CTRC: variants seen among roughly 807,000 people sequenced by gnomAD.
The protein encoded by CTRC is chymotrypsin-C.
Under a neutral mutation model 35.7 loss-of-function variants are expected in CTRC, and 32 were observed. The observed-to-expected ratio is 0.90, with a 90% CI of 0.68 to 1.20. The LOEUF (loss-of-function observed/expected upper bound fraction) is 1.20, where lower values mean the gene tolerates loss of function less well. CTRC is among the 50% of genes most tolerant of loss of function. CTRC has a pLI of 0.00. For synonymous variants in CTRC, 119 were observed against 149.5 expected (o/e 0.80, Z 1.49); for missense variants, 324 against 361.5 (o/e 0.90, Z 0.84).
At chr1:15,445,841 TTCATTCATTCATTTATTCAC>T in intron 7 of CTRC, 92 bp downstream of exon 7, 3 of 1,424,514 alleles carry the variant, frequency 2.1e-6, no homozygotes, top group Non-Finnish European at 3.0e-6. Flanking sequence ...CATGCGTTTA[TTCATTCATTCATTTATTCAC>T]TCATTCATGC....
intron 1 of CTRC, among the ~76,000 whole-genome samples, chr1:15,439,786 G>T (rs1442488827): frequency 6.6e-6 from 1 of 152,196 alleles, no homozygotes; most frequent in Admixed American, 6.5e-5. Context: ...TTATCACCCA[G>T]GATGGAGTGC....
rs1442996497 is a variant in CTRC at position 15,448,101 on chromosome 1, G to T, written c.*1512G>T. ...CTTGGTCTTAAAATTTGACTAGAAGGTACCCAAGTACAGAACGTAGTCCTT... is the reference window on the plus strand; with the variant it reads ...CTTGGTCTTAAAATTTGACTAGAAGTTACCCAAGTACAGAACGTAGTCCTT... On this transcript the variant is annotated 3_prime_UTR_variant, in exon 8 of 8. Coordinates refer to ENST00000375949, the MANE Select transcript of CTRC (RefSeq NM_007272.3). The T allele has an allele frequency of 1.3e-5, 2 of 151,714 alleles. No homozygotes were observed. Among genetic ancestry groups the T allele is most frequent in the African/African-American group, 2.4e-5 (1 of 41,192 alleles). The allele number at this position is 151,714 out of a possible 1,614,324, so 9.4% of individuals were successfully genotyped here.
chr1:15,442,335 G>GAACAC (rs980953257), intron 3 of CTRC, 112 bp from the exon 4 acceptor site: 226 of 1,379,858 alleles, frequency 1.6e-4, no homozygotes, highest in Non-Finnish European at 3.1e-5. Flanking sequence ...AGGACAATGG[G>GAACAC]AACACTCTCT....
intron 7 of CTRC, 49 bp downstream of exon 7, chr1:15,445,798 T>C (rs1272882156): frequency 6.2e-7 from 1 of 1,606,778 alleles, no homozygotes; most frequent in South Asian, 1.1e-5. Flanking sequence ...CCCCTCCCCC[T>C]CACTCACCCA....
chr1:15,445,820 A>C, intron 7 of CTRC, 71 bp downstream of exon 7: 1 of 1,543,792 alleles, frequency 6.5e-7, no homozygotes, highest in Non-Finnish European at 8.9e-7. Context: ...CCCCTCACTC[A>C]TTCACTCATT....
At chr1:15,442,838 A>G (rs1708156797) in intron 4 of CTRC, among the ~76,000 whole-genome samples, 1 of 151,926 alleles carries the variant, frequency 6.6e-6, no homozygotes, top group African/African-American at 2.4e-5. Context: ...GCCAGCGCTC[A>G]CCTTTATTGA....
chr1:15,445,963 C>T (rs9429242), intron 7 of CTRC, among the ~76,000 whole-genome samples: 139 of 95,742 alleles, frequency 1.5e-3, no homozygotes, highest in African/African-American at 5.5e-3. Context: ...CTCATGCATT[C>T]ATTCATTCAT....
At chr1:15,440,929 T>C (rs1009987493) in intron 3 of CTRC, among the ~76,000 whole-genome samples, 2 of 152,162 alleles carry the variant, frequency 1.3e-5, no homozygotes, top group Non-Finnish European at 2.9e-5. Context: ...CCTGTAATCA[T>C]AGCACTCTGG....
Position 15,447,728 on chromosome 1 carries a change from A to G in CTRC, c.*1139A>G, listed in dbSNP as rs1708242360. On this transcript the variant is annotated 3_prime_UTR_variant, in exon 8 of 8. Coordinates refer to ENST00000375949, the MANE Select transcript of CTRC (RefSeq NM_007272.3). ...GAGAGCCCTCGGCTGCAGCTACCTC[A>G]GACTGGCCCAAGAGTTGTCCCTTTT... 6.6e-6 allele frequency: 1 copy of G among 152,508 alleles called. No homozygotes were observed. Among genetic ancestry groups the G allele is most frequent in the African/African-American group, 2.4e-5 (1 of 41,454 alleles). 9.4% of individuals were successfully genotyped at this position (152,508 alleles called of 1,614,324 possible).
In CTRC at chr1:15,444,653, G is replaced by A. The variant is rs2103292309; in HGVS notation, c.541G>A (p.Val181Met). The change falls in exon 6 of 8, where the codon GTG becomes ATG. Residue 181 changes from valine (V) to methionine (M), a missense_variant. Coordinates refer to ENST00000375949, the MANE Select transcript of CTRC (RefSeq NM_007272.3). Reference protein sequence around the residue: ...DKLQQGLQPVVDHATCSRIDW... With the variant: ...DKLQQGLQPVMDHATCSRIDW... ...GCTGCAGCAGGGCCTGCAGCCCGTG[G>A]TGGATCACGCCACGTGCTCCAGGAT... 6.2e-7 allele frequency: 1 copy of A among 1,614,238 alleles called. No homozygotes were observed. The highest frequency in any genetic ancestry group is 1.1e-5 in the South Asian group (1 of 91,090).
chr1:15,442,568 T>C lies in CTRC; in HGVS notation c.352T>C (p.Leu118=), dbSNP rs557582431. Residue 118 remains leucine (L), a synonymous_variant, in exon 4 of 8, where the codon TTG becomes CTG. Transcript: ENST00000375949. ...HVHKRWNALL[L]RNDIALIKLA... ...CCACAAGAGATGGAATGCCCTCCTG[T>C]TGCGGTGAGTGACAGACTGCCCATC... 6 of 1,613,960 alleles carry C rather than the reference T, an allele frequency of 3.7e-6. No homozygotes were observed. In the East Asian group the frequency reaches 6.7e-5, roughly 18 times the overall value.
intron 1 of CTRC, 57 bp from the exon 2 acceptor site, chr1:15,440,243 T>TTCCCCC: frequency 2.4e-5 from 4 of 165,202 alleles, no homozygotes; most frequent in Non-Finnish European, 3.8e-5. Flanking sequence ...CTCCCACCCC[T>TTCCCCC]TTCCCCGTGG....
Position 15,440,332 on chromosome 1 carries a change from A to C in CTRC, c.73A>C (p.Asn25His). The C allele has an allele frequency of 6.9e-7, 1 of 1,458,658 alleles. No homozygotes were observed. Among genetic ancestry groups the C allele is most frequent in the Admixed American group, 1.9e-5 (1 of 51,738 alleles). 90.4% of individuals were successfully genotyped at this position (1,458,658 alleles called of 1,614,324 possible). Residue 25 changes from asparagine (N) to histidine (H), a missense_variant, in exon 2 of 8, where the codon AAC (asparagine) becomes CAC (histidine). Transcript: ENST00000375949. ...SSCGVPSFPP[N>H]LSARVVGGED... ...CTGTGGGGTGCCCAGCTTCCCGCCCAACCTATCCGCCCGAGTGGTGGGAGG... is the reference window on the plus strand; with the variant it reads ...CTGTGGGGTGCCCAGCTTCCCGCCCCACCTATCCGCCCGAGTGGTGGGAGG...
Position 15,445,604 on chromosome 1 carries a change from C to T in CTRC, c.647C>T (p.Ser216Phe), listed in dbSNP as rs1208945786. ...CCTCCCGGTCTGGTGCAGGGGGACT[C>T]CGGTGGCCCACTGAACTGCCAGTTG... is the stretch of plus-strand genomic sequence containing the variant. Reference protein sequence around the residue: ...DGVISACNGDSGGPLNCQLEN... With the variant: ...DGVISACNGDFGGPLNCQLEN... The change falls in exon 7 of 8, where the codon TCC becomes TTC. Residue 216 changes from serine (S) to phenylalanine (F), a missense_variant. Transcript: ENST00000375949. The T allele has an allele frequency of 1.9e-6, 3 of 1,614,158 alleles. No homozygotes were observed. The highest frequency in any genetic ancestry group is 1.7e-6 in the Non-Finnish European group (2 of 1,180,012).
At chr1:15,438,950 C>CTAAATCTCTCTAAATCTCTCTA (rs1299778372) in intron 1 of CTRC, among the ~76,000 whole-genome samples, 1 of 152,180 alleles carries the variant, frequency 6.6e-6, no homozygotes, top group African/African-American at 2.4e-5. Context: ...AAAGTCATTT[C>CTAAATCTCTCTAAATCTCTCTA]ACCTCTCTAA....
rs1467534591 is a variant in CTRC, at chr1:15,446,874, G to A, written c.*285G>A. The A allele has an allele frequency of 1.6e-5, 9 of 557,938 alleles. No homozygotes were observed. The highest frequency in any genetic ancestry group is 7.9e-5 in the South Asian group (4 of 50,772). 34.6% of individuals were successfully genotyped at this position (557,938 alleles called of 1,614,324 possible). ...GGGTGGAGAGCCCAGGGAGTCCTGCGTGAAGCCGGAGGGGATGGGAGTGAA... is the reference window on the plus strand; with the variant it reads ...GGGTGGAGAGCCCAGGGAGTCCTGCATGAAGCCGGAGGGGATGGGAGTGAA... On this transcript the variant is annotated 3_prime_UTR_variant, in exon 8 of 8. Coordinates refer to ENST00000375949, the MANE Select transcript of CTRC (RefSeq NM_007272.3).
chr1:15,445,032 T>C (rs1044774863), intron 6 of CTRC, among the ~76,000 whole-genome samples: 3 of 152,168 alleles, frequency 2.0e-5, no homozygotes, highest in Non-Finnish European at 4.4e-5. Flanking sequence ...ATCTGTAAAA[T>C]GGAGTTACAG....
At position 15,444,844 on chromosome 1, in the gene CTRC, G is replaced by A. The variant is rs527434272; in HGVS notation, c.639+93G>A. ...GCGATGGACCAAACCCTTCTCCTGG[G>A]AGGAGACTGAGCGAGCCCTGGCTGG... On this transcript the variant is annotated intron_variant, in intron 6 of 7. Coordinates refer to ENST00000375949, the MANE Select transcript of CTRC (RefSeq NM_007272.3). 4.9e-5 allele frequency: 75 copies of A among 1,539,524 alleles called. 1 individual carries two copies. In the South Asian group the frequency reaches 8.1e-4, roughly 17 times the overall value.
intron 3 of CTRC, among the ~76,000 whole-genome samples, chr1:15,441,813 A>G (rs2103290268): frequency 6.6e-6 from 1 of 151,714 alleles, no homozygotes. Context: ...AGCTGGGTCT[A>G]TAAGCACACG....
Sources: allele counts gnomAD v4.1 joint callset (sites outside exome capture counted in the v4.1 genomes callset), GRCh38; gene constraint gnomAD v4.1.1; transcripts MANE v1.5; gene names NCBI Gene and HGNC (gene_info 2026-07-23, HGNC 2026-07-21).